Variants in GRIP1 observed in about 807,000 individuals in gnomAD.
The protein encoded by GRIP1 is glutamate receptor-interacting protein 1.
GRIP1 carries 45 observed loss-of-function variants against 129.9 expected under a neutral mutation model. That is an observed-to-expected ratio of 0.35 (90% CI 0.27 to 0.44). The LOEUF (loss-of-function observed/expected upper bound fraction) is 0.44, where lower values mean the gene tolerates loss of function less well. GRIP1 is among the 20% of genes least tolerant of loss of function. The probability of loss-of-function intolerance (pLI) is 1.00; values close to 1 mark genes in which losing one functional copy is unlikely to be tolerated. For synonymous variants in GRIP1, 530 were observed against 520.8 expected (o/e 1.02, Z -0.24); for missense variants, 1,196 against 1,396.8 (o/e 0.86, Z 2.29).
chr12:66,383,887 G>C (rs1161837318), intron 19 of GRIP1, among the ~76,000 whole-genome samples: 1 of 152,160 alleles, frequency 6.6e-6, no homozygotes, highest in Non-Finnish European at 1.5e-5. Flanking sequence ...TTCTGAGAAG[G>C]CTCCTTACAT....
chr12:66,795,252 C>T (rs559337035), intron 1 of GRIP1, among the ~76,000 whole-genome samples: 1 of 152,340 alleles, frequency 6.6e-6, no homozygotes, highest in African/African-American at 2.4e-5. Context: ...AAGGATGCCA[C>T]TGTTGGCGTC....
intron 1 of GRIP1, among the ~76,000 whole-genome samples, chr12:66,607,010 AG>A (rs1370415896): frequency 2.9e-5 from 4 of 139,818 alleles, no homozygotes; most frequent in Non-Finnish European, 6.1e-5. Context: ...AGAGAGAGAG[AG>A]AGAAAGAGAG....
intron 11 of GRIP1, among the ~76,000 whole-genome samples, chr12:66,451,052 A>G (rs1306814882): frequency 6.6e-6 from 1 of 152,162 alleles, no homozygotes; most frequent in Non-Finnish European, 1.5e-5. Flanking sequence ...CTACTCCTCA[A>G]GGTGAAGATG....
At chr12:66,785,335 C>T (rs5008781) in intron 1 of GRIP1, among the ~76,000 whole-genome samples, 1,378 of 27,158 alleles carry the variant, frequency 0.051, 36 homozygotes, top group Middle Eastern at 0.12. Context: ...TACATACATA[C>T]ATACATACAT....
In GRIP1 at chr12:66,456,186, C is replaced by T. The variant is rs775927902; in HGVS notation, c.1198+1G>A. The T allele has an allele frequency of 1.6e-5, 21 of 1,286,050 alleles. No individual in the cohort carries two copies. In the Middle Eastern group the frequency reaches 8.5e-4, roughly 52 times the overall value. The allele number at this position is 1,286,050 out of a possible 1,614,324, so 79.7% of individuals were successfully genotyped here. A position where few individuals can be genotyped will look rare whatever the true frequency, so the allele number is the denominator to read the frequency against. On this transcript the variant is annotated splice_donor_variant, in intron 10 of 24. Transcript: ENST00000359742. LOFTEE classifies it high-confidence loss of function. ...CAGGAGGAGAAAGCATGGAACATTACGAGGGCTGTTTGGAGGAGGTGCTTT... is the reference window on the plus strand; with the variant it reads ...CAGGAGGAGAAAGCATGGAACATTATGAGGGCTGTTTGGAGGAGGTGCTTT...
intron 1 of GRIP1, among the ~76,000 whole-genome samples, chr12:67,024,252 G>C (rs1223994681): frequency 6.6e-6 from 1 of 152,146 alleles, no homozygotes; most frequent in Non-Finnish European, 1.5e-5. Flanking sequence ...CCAACGCACT[G>C]CAGATTCGTG....
At chr12:66,365,238 C>T (rs891823074) in intron 23 of GRIP1, among the ~76,000 whole-genome samples, 4 of 152,132 alleles carry the variant, frequency 2.6e-5, no homozygotes, top group Non-Finnish European at 2.9e-5. Flanking sequence ...GAGTTCGAGG[C>T]CAGCCTGGCC....
At chr12:66,514,883 T>G (rs747113219) in intron 7 of GRIP1, among the ~76,000 whole-genome samples, 10 of 152,132 alleles carry the variant, frequency 6.6e-5, no homozygotes, top group Non-Finnish European at 1.5e-4. Context: ...TAATCGAGTC[T>G]GATAATTGTA....
intron 1 of GRIP1, among the ~76,000 whole-genome samples, chr12:66,973,116 TTTTTA>T (rs763517656): frequency 1.1e-3 from 165 of 152,316 alleles, no homozygotes; most frequent in Non-Finnish European, 1.2e-3. Context: ...CTTCAATGTC[TTTTTA>T]AAACACAGCC....
At chr12:66,900,153 G>A (rs2040821697) in intron 1 of GRIP1, among the ~76,000 whole-genome samples, 1 of 152,158 alleles carries the variant, frequency 6.6e-6, no homozygotes, top group South Asian at 2.1e-4. Flanking sequence ...CATGGAAAAG[G>A]TAAAGAAAAT....
chr12:66,813,673 G>T (rs2039149333), intron 1 of GRIP1, among the ~76,000 whole-genome samples: 1 of 152,138 alleles, frequency 6.6e-6, no homozygotes, highest in Non-Finnish European at 1.5e-5. Flanking sequence ...GCATGAACAG[G>T]AAGGATGACA....
intron 11 of GRIP1, among the ~76,000 whole-genome samples, chr12:66,448,064 C>G (rs2058680458): frequency 6.6e-6 from 1 of 152,150 alleles, no homozygotes; most frequent in Non-Finnish European, 1.5e-5. Flanking sequence ...TCATTCATGC[C>G]TACATGTCTT....
intron 2 of GRIP1, among the ~76,000 whole-genome samples, chr12:66,551,428 A>T (rs2062126140): frequency 6.6e-6 from 1 of 152,194 alleles, no homozygotes; most frequent in Non-Finnish European, 1.5e-5. Context: ...ATGAAAGTAG[A>T]ATATTTACTT....
chr12:66,570,230 G>A (rs1338078052), intron 2 of GRIP1, among the ~76,000 whole-genome samples: 1 of 152,082 alleles, frequency 6.6e-6, no homozygotes, highest in Non-Finnish European at 1.5e-5. Flanking sequence ...TGATCCTCCA[G>A]CCTCAGCCTC....
At chr12:66,946,002 C>T (rs1247856233) in intron 1 of GRIP1, among the ~76,000 whole-genome samples, 1 of 152,196 alleles carries the variant, frequency 6.6e-6, no homozygotes, top group Non-Finnish European at 1.5e-5. Flanking sequence ...AATTCCTCCC[C>T]TTCCTTCTTC....
upstream of GRIP1, among the ~76,000 whole-genome samples, chr12:66,808,307 G>GT (rs1214763173): frequency 2.0e-5 from 3 of 151,934 alleles, no homozygotes; most frequent in South Asian, 2.1e-4. Flanking sequence ...TTGTTTTTTT[G>GT]TTTTTTTGGA....
At chr12:66,376,738 A>G (rs2055803425) in intron 22 of GRIP1, among the ~76,000 whole-genome samples, 1 of 152,268 alleles carries the variant, frequency 6.6e-6, no homozygotes, top group Non-Finnish European at 1.5e-5. Flanking sequence ...TATTCCAGGT[A>G]CAAATGAAAA....
chr12:67,018,633 A>G (rs2042822230), intron 1 of GRIP1, among the ~76,000 whole-genome samples: 1 of 152,104 alleles, frequency 6.6e-6, no homozygotes, highest in African/African-American at 2.4e-5. Context: ...GGCAGAAACC[A>G]GAAGTCCATA....
At chr12:66,509,691 G>A (rs1334911711) in intron 7 of GRIP1, among the ~76,000 whole-genome samples, 2 of 152,080 alleles carry the variant, frequency 1.3e-5, no homozygotes, top group African/African-American at 2.4e-5. Flanking sequence ...GCAAACTAAT[G>A]CAGGAACAGA....
Sources: gnomAD v4.1 joint callset for allele counts (sites outside exome capture counted in the v4.1 genomes callset) on GRCh38, gnomAD v4.1.1 for gene constraint, MANE v1.5 for transcripts, NCBI Gene and HGNC (gene_info 2026-07-23, HGNC 2026-07-21) for gene names.